Variants in TARBP2 observed in about 807,000 individuals in gnomAD.
TARBP2 encodes RISC-loading complex subunit TARBP2.
A neutral mutation model predicts 40.4 loss-of-function variants in TARBP2; 23 were observed. The ratio of observed to expected loss-of-function variants is 0.57; its 90% CI spans 0.41 to 0.81. The LOEUF (loss-of-function observed/expected upper bound fraction) is 0.81. Ranked by LOEUF, TARBP2 falls within the 30% of genes least tolerant of loss-of-function variation. The probability of loss-of-function intolerance (pLI) is 0.00; values close to 1 mark genes in which losing one functional copy is unlikely to be tolerated. For missense variants in TARBP2, 358 were observed against 473.7 expected (o/e 0.76, Z 2.27); for synonymous variants, 183 against 190.5 (o/e 0.96, Z 0.32).
chr12:53,501,340 C>G lies in TARBP2; in HGVS notation c.-69C>G. ...ACTCCGGGCTTGGCCCCGGCCCTAG[C>G]TCGTCGGCTGTGTATTGGGGCGCGT... On this transcript the variant is annotated 5_prime_UTR_variant, in exon 1 of 9. Coordinates refer to ENST00000266987, the MANE Select transcript of TARBP2 (RefSeq NM_134323.2). The G allele has an allele frequency of 6.5e-7, 1 of 1,535,812 alleles. No individual in the cohort carries two copies. Among genetic ancestry groups the G allele is most frequent in the African/African-American group, 1.4e-5 (1 of 72,796 alleles).
chr12:53,501,956 C>T (rs1943732907), intron 1 of TARBP2, 59 bp from the exon 2 acceptor site: 12 of 1,599,754 alleles, frequency 7.5e-6, no homozygotes, highest in Non-Finnish European at 8.5e-6. Flanking sequence ...TATGGAAGTG[C>T]TTGGCTAGGT....
At chr12:53,501,733 A>G in intron 1 of TARBP2, 1 of 1,426,350 alleles carries the variant, frequency 7.0e-7, no homozygotes, top group Non-Finnish European at 9.1e-7. Flanking sequence ...CCTGGCTTGC[A>G]CTGTGTCAGG....
Position 53,502,169 on chromosome 12 carries a change from G to T in TARBP2, c.208G>T (p.Asp70Tyr). The T allele has an allele frequency of 6.2e-7, 1 of 1,614,218 alleles. No homozygotes were observed. The highest frequency in any genetic ancestry group is 1.1e-5 in the South Asian group (1 of 91,076). Residue 70 changes from aspartate to tyrosine, a missense_variant, in exon 2 of 9, where the codon GAC becomes TAC. Transcript: ENST00000266987. Reference protein sequence around the residue: ...PNFTFRVTVGDTSCTGQGPSK... With the variant: ...PNFTFRVTVGYTSCTGQGPSK... ...TTTCACCTTCCGGGTCACCGTTGGC[G>T]ACACCAGCTGCACTGGTGAGGAAGG...
Position 53,506,297 on chromosome 12 carries a change from G to A in TARBP2, c.*149G>A. On this transcript the variant is annotated 3_prime_UTR_variant, in exon 9 of 9. Coordinates refer to ENST00000266987, the MANE Select transcript of TARBP2 (RefSeq NM_134323.2). Reference sequence around the variant, plus strand: ...TGCCTTGAAGCTGAGAAGGCACAGGGCAAGGAGCCAAGGACCACAGAGCCT... The same window carrying A: ...TGCCTTGAAGCTGAGAAGGCACAGGACAAGGAGCCAAGGACCACAGAGCCT... 3 of 1,054,460 alleles carry A rather than the reference G, an allele frequency of 2.8e-6. No individual in the cohort carries two copies. The highest frequency in any genetic ancestry group is 4.0e-6 in the Non-Finnish European group (3 of 748,288). The allele number at this position is 1,054,460 out of a possible 1,614,324, so 65.3% of individuals were successfully genotyped here. A position where few individuals can be genotyped will look rare whatever the true frequency, so the allele number is the denominator to read the frequency against.
At chr12:53,503,531 T>C (rs1943816767) in intron 3 of TARBP2, 182 bp from the exon 4 acceptor site, 9 of 600,034 alleles carry the variant, frequency 1.5e-5, no homozygotes, top group Non-Finnish European at 2.1e-5. Flanking sequence ...TTTCTCAGTC[T>C]TTTCGCCGGT....
At chr12:53,501,133 C>T (rs1943681359), upstream of TARBP2, 1 of 541,546 alleles carries the variant, frequency 1.8e-6, no homozygotes, top group Non-Finnish European at 3.3e-6. Flanking sequence ...AAAATACGGC[C>T]TTCTCGAGAA....
In TARBP2 at chr12:53,506,209, C is replaced by G; in HGVS notation, c.*61C>G. On this transcript the variant is annotated 3_prime_UTR_variant, in exon 9 of 9. Coordinates refer to ENST00000266987, the MANE Select transcript of TARBP2 (RefSeq NM_134323.2). The stretch of plus-strand genomic sequence containing the variant: ...TCCCTGCTCTTTCTGCCTCTGGGCT[C>G]ATGTATCTGCGCAGCTCTGGTACCC... 6.4e-7 allele frequency: 1 copy of G among 1,572,906 alleles called. No individual in the cohort carries two copies. Among genetic ancestry groups the G allele is most frequent in the South Asian group, 1.2e-5 (1 of 86,012 alleles).
chr12:53,504,985 C>G (rs1223803687), intron 6 of TARBP2, 150 bp from the exon 7 acceptor site: 3 of 1,456,264 alleles, frequency 2.1e-6, no homozygotes, highest in Non-Finnish European at 2.8e-6. Flanking sequence ...CCCCTTCTCT[C>G]TGGCTGACCA....
rs1307591502 is a variant in TARBP2, at chr12:53,505,118, C to T, written c.614-17C>T. ...CTGTGGGGAATCATAACCCAGCAGCCCTCTCTCCACATGCAGGGAGTGGCA... is the reference window on the plus strand; with the variant it reads ...CTGTGGGGAATCATAACCCAGCAGCTCTCTCTCCACATGCAGGGAGTGGCA... On this transcript the variant is annotated splice_polypyrimidine_tract_variant and intron_variant, in intron 6 of 8. Coordinates refer to ENST00000266987, the MANE Select transcript of TARBP2 (RefSeq NM_134323.2). This position sits in a 1 kb window ranked among gnomAD's most constrained non-coding sequence, Gnocchi z 4.5. 6.3e-7 allele frequency: 1 copy of T among 1,592,602 alleles called. No homozygotes were observed.
At chr12:53,501,102 C>T, upstream of TARBP2, 1 of 445,346 alleles carries the variant, frequency 2.2e-6, no homozygotes, top group Non-Finnish European at 4.1e-6. Context: ...AGGAAGGAGG[C>T]GGGACGGTAT....
chr12:53,503,536 G>A (rs1217880589), intron 3 of TARBP2, 177 bp from the exon 4 acceptor site: 3 of 598,110 alleles, frequency 5.0e-6, no homozygotes, highest in Middle Eastern at 4.4e-4. Context: ...CAGTCTTTTC[G>A]CCGGTGTTTG....
chr12:53,506,233 C>G lies in TARBP2; in HGVS notation c.*85C>G. 2 of 1,487,776 alleles carry G rather than the reference C, an allele frequency of 1.3e-6. No individual in the cohort carries two copies. Among genetic ancestry groups the G allele is most frequent in the East Asian group, 2.4e-5 (1 of 41,874 alleles). The allele number at this position is 1,487,776 out of a possible 1,614,324, so 92.2% of individuals were successfully genotyped here. A position where few individuals can be genotyped will look rare whatever the true frequency, so the allele number is the denominator to read the frequency against. ...TCATGTATCTGCGCAGCTCTGGTACCCTCTGTGGGTGCCATCTCTACCTCT... is the reference window on the plus strand; with the variant it reads ...TCATGTATCTGCGCAGCTCTGGTACGCTCTGTGGGTGCCATCTCTACCTCT... On this transcript the variant is annotated 3_prime_UTR_variant, in exon 9 of 9. Coordinates refer to ENST00000266987, the MANE Select transcript of TARBP2 (RefSeq NM_134323.2).
chr12:53,504,050 C>T (rs1213948169), intron 4 of TARBP2: 5 of 588,000 alleles, frequency 8.5e-6, no homozygotes, highest in South Asian at 2.1e-5. Context: ...TCTTGCAGGC[C>T]CCATTTTCTT....
In TARBP2 at chr12:53,504,729, C is replaced by A. The variant is rs1468672830; in HGVS notation, c.527C>A (p.Pro176Gln). Residue 176 changes from proline to glutamine, a missense_variant, in exon 6 of 9, where the codon CCG becomes CAG. By Grantham distance (76) the Pro-to-Gln change is moderately conservative. Coordinates refer to ENST00000266987, the MANE Select transcript of TARBP2 (RefSeq NM_134323.2). ...GTGGTGCAGAAAGGCTGGCGGTTGC[C>A]GGAGTACACAGTGACCCAGGAGTCT... ...ELVVQKGWRL[P>Q]EYTVTQESGP... 6.2e-7 allele frequency: 1 copy of A among 1,614,054 alleles called. No homozygotes were observed. Among genetic ancestry groups the A allele is most frequent in the Non-Finnish European group, 8.5e-7 (1 of 1,180,038 alleles).
At position 53,505,528 on chromosome 12, in the gene TARBP2, TG is replaced by T. The variant is rs1198143557; in HGVS notation, c.742-115del. 4 of 1,175,434 alleles carry T rather than the reference TG, an allele frequency of 3.4e-6. No individual in the cohort carries two copies. In the African/African-American group the frequency reaches 6.1e-5, roughly 18 times the overall value. The allele number at this position is 1,175,434 out of a possible 1,614,324, so 72.8% of individuals were successfully genotyped here. A position where few individuals can be genotyped will look rare whatever the true frequency, so the allele number is the denominator to read the frequency against. On this transcript the variant is annotated intron_variant, in intron 7 of 8. Transcript: ENST00000266987. This position sits in a 1 kb window ranked among gnomAD's most constrained non-coding sequence, Gnocchi z 4.5. ...TAGAAGGGGCCACCCAGGGATTGAC[TG>T]GGGGGAGGCAAGCTGGAGGAAGCAT...
Position 53,506,042 on chromosome 12 carries a change from A to G in TARBP2, c.995A>G (p.Gln332Arg). ...LCQCLVELST[Q>R]PATVCHGSAT... is the part of the protein sequence containing the mutation. The stretch of plus-strand genomic sequence containing the variant: ...CAGTGCCTGGTGGAACTGTCCACCC[A>G]GCCGGCCACTGTGTGTCATGGCTCT... Residue 332 changes from glutamine (Q) to arginine (R), a missense_variant, in exon 9 of 9, where the codon CAG (glutamine) becomes CGG (arginine). Physicochemically the swap from Gln to Arg is conservative, Grantham distance 43. Transcript: ENST00000266987. 6.2e-7 allele frequency: 1 copy of G among 1,614,108 alleles called. No individual in the cohort carries two copies. Among genetic ancestry groups the G allele is most frequent in the Non-Finnish European group, 8.5e-7 (1 of 1,180,022 alleles).
At position 53,505,662 on chromosome 12, in the gene TARBP2, G is replaced by A. The variant is rs944494841; in HGVS notation, c.755G>A (p.Arg252His). ...DDHFSIGVGS[R>H]LDGLRNRGPG... ...CCATCTTGACAGGGTGTGGGCTCCC[G>A]CCTGGATGGTCTTCGAAACCGGGGC... The change falls in exon 8 of 9, where the codon CGC (arginine) becomes CAC (histidine). Residue 252 changes from arginine (R) to histidine (H), a missense_variant. Physicochemically the swap from Arg to His is conservative, Grantham distance 29. Transcript: ENST00000266987. This position sits in a 1 kb window ranked among gnomAD's most constrained non-coding sequence, Gnocchi z 4.5. The A allele has an allele frequency of 6.2e-6, 10 of 1,614,058 alleles. No homozygotes were observed. The highest frequency in any genetic ancestry group is 1.6e-4 in the Middle Eastern group (1 of 6,062).
chr12:53,501,830 T>TG, intron 1 of TARBP2, 185 bp from the exon 2 acceptor site: 1 of 1,299,780 alleles, frequency 7.7e-7, no homozygotes, highest in African/African-American at 1.5e-5. Context: ...CCCCTTGCTT[T>TG]GGGGTAGTGG....
intron 3 of TARBP2, 197 bp downstream of exon 3, chr12:53,503,326 GC>G: frequency 7.8e-7 from 1 of 1,288,332 alleles, no homozygotes; most frequent in Non-Finnish European, 1.0e-6. Context: ...GGGTTGGTTA[GC>G]CCCATAGAGG....
Sources: gnomAD v4.1 joint callset for allele counts on GRCh38, gnomAD v4.1.1 for gene constraint, Gnocchi (gnomAD v3.1) non-coding constraint, MANE v1.5 for transcripts, NCBI Gene and HGNC (gene_info 2026-07-23, HGNC 2026-07-21) for gene names.